The following ADAMTS3 variants were observed in gnomAD, a reference collection of about 807,000 sequenced individuals.
The protein encoded by ADAMTS3 is A disintegrin and metalloproteinase with thrombospondin motifs 3.
In ADAMTS3, 73 loss-of-function variants were observed where a neutral mutation model predicts 129.0. The ratio of observed to expected loss-of-function variants is 0.57; its 90% CI spans 0.47 to 0.69. The LOEUF is 0.69. Ranked by LOEUF, ADAMTS3 falls within the 30% of genes least tolerant of loss-of-function variation. The pLI is 0.00. For missense variants in ADAMTS3, 1,457 were observed against 1,514.5 expected (o/e 0.96, Z 0.63); for synonymous variants, 477 against 510.8 (o/e 0.93, Z 0.89).
At chr4:72,566,871 T>C (rs1296151712) in intron 2 of ADAMTS3, among the ~76,000 whole-genome samples, 1 of 152,158 alleles carries the variant, frequency 6.6e-6, no homozygotes. Flanking sequence ...ATCTTTCACA[T>C]TAGGAGATAA....
chr4:72,323,574 A>G (rs1719621569), intron 5 of ADAMTS3, among the ~76,000 whole-genome samples: 1 of 152,060 alleles, frequency 6.6e-6, no homozygotes, highest in Admixed American at 6.6e-5. Context: ...TGTGTGCAGG[A>G]GCTGTGGTAG....
intron 4 of ADAMTS3, among the ~76,000 whole-genome samples, chr4:72,349,481 T>C (rs955600321): frequency 8.5e-5 from 13 of 152,100 alleles, no homozygotes; most frequent in Admixed American, 5.2e-4. Context: ...CAATAAGAGA[T>C]AATCTGACCA....
intron 3 of ADAMTS3, among the ~76,000 whole-genome samples, chr4:72,528,223 A>G (rs1578764589): frequency 6.6e-6 from 1 of 151,962 alleles, no homozygotes; most frequent in East Asian, 1.9e-4. Flanking sequence ...TTAAAAAAAA[A>G]AAGTTTCCAT....
chr4:72,565,938 A>G (rs1722011174), intron 2 of ADAMTS3, among the ~76,000 whole-genome samples: 1 of 152,178 alleles, frequency 6.6e-6, no homozygotes, highest in Non-Finnish European at 1.5e-5. Flanking sequence ...ACATCTTTTT[A>G]ATTTGCATAT....
At chr4:72,409,788 T>G (rs1348010391) in intron 4 of ADAMTS3, among the ~76,000 whole-genome samples, 2 of 152,192 alleles carry the variant, frequency 1.3e-5, no homozygotes, top group African/African-American at 4.8e-5. Context: ...ATTGCCTTCA[T>G]TTTGTCAATA....
intron 3 of ADAMTS3, among the ~76,000 whole-genome samples, chr4:72,459,530 T>C (rs1409164434): frequency 1.3e-5 from 2 of 151,696 alleles, no homozygotes; most frequent in Non-Finnish European, 3.0e-5. Context: ...GGGCTAGTTT[T>C]ATTTAATTTC....
chr4:72,501,781 T>A (rs1389367525), intron 3 of ADAMTS3, among the ~76,000 whole-genome samples: 2 of 100,094 alleles, frequency 2.0e-5, no homozygotes, highest in African/African-American at 3.9e-5. Flanking sequence ...GAAGTATATT[T>A]CTTTAATGCT....
chr4:72,511,249 C>T (rs1197656776), intron 3 of ADAMTS3, among the ~76,000 whole-genome samples: 3 of 152,072 alleles, frequency 2.0e-5, no homozygotes, highest in African/African-American at 7.2e-5. Context: ...CCCACAAGCA[C>T]AAGCAACCAA....
intron 3 of ADAMTS3, among the ~76,000 whole-genome samples, chr4:72,457,035 T>G (rs928391085): frequency 1.3e-5 from 2 of 151,654 alleles, no homozygotes; most frequent in African/African-American, 4.8e-5. Context: ...GGTGTAGGGA[T>G]GTGAGCATTT....
chr4:72,524,509 T>G (rs1397492413), intron 3 of ADAMTS3, among the ~76,000 whole-genome samples: 1 of 152,134 alleles, frequency 6.6e-6, no homozygotes, highest in Admixed American at 6.6e-5. Flanking sequence ...AATCACTTAT[T>G]GCTCACAGTA....
In ADAMTS3 at chr4:72,529,827, T is replaced by C. The variant is rs1209883505; in HGVS notation, c.504+18651A>G. On this transcript the variant is annotated intron_variant, in intron 3 of 21. Transcript: ENST00000286657. ...ATATATTATATATAATAATACATAATATATAACATATAATATATTATATTA... is the reference window on the plus strand; with the variant it reads ...ATATATTATATATAATAATACATAACATATAACATATAATATATTATATTA... 2.2e-4 allele frequency among the ~76,000 whole-genome samples: 19 copies of C among 88,010 alleles called. No individual in the cohort carries two copies. In the East Asian group the frequency reaches 4.9e-3, roughly 23 times the overall value. The allele number at this position is 88,010 out of a possible 152,430, so 57.7% of individuals were successfully genotyped here. A position where few individuals can be genotyped will look rare whatever the true frequency, so the allele number is the denominator to read the frequency against.
intron 11 of ADAMTS3, 119 bp downstream of exon 11, chr4:72,315,739 T>G: frequency 1.6e-6 from 1 of 631,186 alleles, no homozygotes; most frequent in Non-Finnish European, 2.7e-6. Context: ...AATAAAGCCT[T>G]GCATACTATG....
rs550814470 is a variant in ADAMTS3 at position 72,375,731 on chromosome 4, A to AG, written c.662-36039dup. ...ATTAAATCATCAATCAAAAGGAAGG[A>AG]GGGGGAGAACTCTGAAATGTACACA... On this transcript the variant is annotated intron_variant, in intron 4 of 21. Transcript: ENST00000286657. Among the ~76,000 whole-genome samples the AG allele has an allele frequency of 3.5e-3, 529 of 152,294 alleles. 2 individuals are homozygous for AG. Among genetic ancestry groups the AG allele is most frequent in the African/African-American group, 0.012 (506 of 41,570 alleles).
chr4:72,505,964 G>A (rs1720149446), intron 3 of ADAMTS3, among the ~76,000 whole-genome samples: 1 of 152,218 alleles, frequency 6.6e-6, no homozygotes, highest in African/African-American at 2.4e-5. Context: ...AACAAAAAGA[G>A]TGGGGCAATT....
intron 19 of ADAMTS3, 120 bp from the exon 20 acceptor site, chr4:72,291,182 C>T (rs980584857): frequency 3.1e-6 from 3 of 969,222 alleles, no homozygotes; most frequent in Middle Eastern, 2.5e-4. Flanking sequence ...GGGCACACTG[C>T]AGTTCAGGAA....
intron 4 of ADAMTS3, among the ~76,000 whole-genome samples, chr4:72,359,136 G>T (rs1243495613): frequency 6.6e-6 from 1 of 151,996 alleles, no homozygotes; most frequent in Admixed American, 6.6e-5. Context: ...GAGAGAACAA[G>T]ATCTTCTAAG....
At chr4:72,559,997 C>T (rs1027465092) in intron 2 of ADAMTS3, among the ~76,000 whole-genome samples, 3 of 151,650 alleles carry the variant, frequency 2.0e-5, no homozygotes, top group African/African-American at 7.3e-5. Flanking sequence ...AAAACATACA[C>T]ACAGGCCAGT....
At chr4:72,472,580 C>T (rs138634639) in intron 3 of ADAMTS3, among the ~76,000 whole-genome samples, 2 of 152,056 alleles carry the variant, frequency 1.3e-5, no homozygotes, top group Admixed American at 1.3e-4. Context: ...TCATCTTGTC[C>T]GTTCCCCAAT....
At position 72,313,023 on chromosome 4, in the gene ADAMTS3, G is replaced by A. The variant is rs1719283366; in HGVS notation, c.1746-557C>T. Among the ~76,000 whole-genome samples the A allele has an allele frequency of 2.0e-5, 3 of 152,192 alleles. No individual in the cohort carries two copies. In the South Asian group the frequency reaches 6.2e-4, roughly 32 times the overall value. ...TCTCTTACTGGGAAGGCAGGTATGT[G>A]GCATCAGATAGTCTTACAAAAGACG... On this transcript the variant is annotated intron_variant, in intron 12 of 21. Coordinates refer to ENST00000286657, the MANE Select transcript of ADAMTS3 (RefSeq NM_014243.3).
Sources: allele counts gnomAD v4.1 joint callset (sites outside exome capture counted in the v4.1 genomes callset), GRCh38; gene constraint gnomAD v4.1.1; transcripts MANE v1.5; gene names NCBI Gene and HGNC (gene_info 2026-07-23, HGNC 2026-07-21).